PAK5: variants seen among roughly 807,000 people sequenced by gnomAD.
PAK5 encodes p21 (RAC1) activated kinase 5, also known as serine/threonine-protein kinase PAK 5.
In PAK5, 16 loss-of-function variants were observed where a neutral mutation model predicts 65.9. The ratio of observed to expected loss-of-function variants is 0.24; its 90% CI spans 0.16 to 0.37. The LOEUF (loss-of-function observed/expected upper bound fraction) is 0.37, where lower values mean the gene tolerates loss of function less well. Among genes scored for constraint, PAK5 ranks in the 10% least tolerant of loss-of-function variants. The probability of loss-of-function intolerance (pLI) is 1.00; values close to 1 mark genes in which losing one functional copy is unlikely to be tolerated. For missense variants in PAK5, 785 were observed against 903.9 expected (o/e 0.87, Z 1.69); for synonymous variants, 371 against 354.9 (o/e 1.05, Z -0.51).
At chr20:9,795,925 T>G (rs918207385) in intron 1 of PAK5, among the ~76,000 whole-genome samples, 1 of 152,096 alleles carries the variant, frequency 6.6e-6, no homozygotes, top group African/African-American at 2.4e-5. Flanking sequence ...CCACTTAATA[T>G]TTATTAAATA....
At chr20:9,571,687 A>C (rs2045784526) in intron 4 of PAK5, among the ~76,000 whole-genome samples, 1 of 152,164 alleles carries the variant, frequency 6.6e-6, no homozygotes, top group African/African-American at 2.4e-5. Flanking sequence ...CGTAAACCTC[A>C]AGCTGGACAA....
At chr20:9,582,502 C>T (rs6056717) in intron 3 of PAK5, among the ~76,000 whole-genome samples, 73,076 of 151,988 alleles carry the variant, frequency 0.48, 20,812 homozygotes, top group African/African-American at 0.81. Flanking sequence ...ATCGTCGACA[C>T]GACTTAGGAA....
chr20:9,641,497 C>G (rs948318335), intron 3 of PAK5, among the ~76,000 whole-genome samples: 2 of 146,192 alleles, frequency 1.4e-5, no homozygotes, highest in Non-Finnish European at 3.0e-5. Context: ...CTCCACGTCC[C>G]CACCAGACTC....
intron 2 of PAK5, among the ~76,000 whole-genome samples, chr20:9,680,490 A>T (rs2047635055): frequency 6.6e-6 from 1 of 152,132 alleles, no homozygotes; most frequent in South Asian, 2.1e-4. Context: ...GGTCTCTGAG[A>T]GGTGGTATAG....
At chr20:9,545,236 T>A (rs1471670132) in intron 7 of PAK5, among the ~76,000 whole-genome samples, 2 of 152,156 alleles carry the variant, frequency 1.3e-5, no homozygotes. Context: ...GGAAAAAAAC[T>A]TGGAAATTTC....
chr20:9,632,297 G>C (rs1003295657), intron 3 of PAK5, among the ~76,000 whole-genome samples: 34 of 152,208 alleles, frequency 2.2e-4, no homozygotes, highest in African/African-American at 7.0e-4. Context: ...AGACAGGCTT[G>C]TGATCTGGGG....
Position 9,783,632 on chromosome 20 carries a change from G to A in PAK5, c.-162+55130C>T, listed in dbSNP as rs545439711. 7.2e-5 allele frequency among the ~76,000 whole-genome samples: 11 copies of A among 152,304 alleles called. No homozygotes were observed. In the South Asian group the frequency reaches 2.3e-3, roughly 32 times the overall value. ...GTTTCTCCGAGGAAGATATGTTACG[G>A]AACATTGTGTTCAAATAATGTCTAG... On this transcript the variant is annotated intron_variant, in intron 1 of 9. Transcript: ENST00000353224.
At chr20:9,613,961 C>T (rs2046610427) in intron 3 of PAK5, among the ~76,000 whole-genome samples, 1 of 151,996 alleles carries the variant, frequency 6.6e-6, no homozygotes, top group African/African-American at 2.4e-5. Flanking sequence ...AATCACAAGG[C>T]ATAAAAAAAG....
chr20:9,558,413 C>G (rs1334224064), intron 6 of PAK5, among the ~76,000 whole-genome samples: 1 of 152,152 alleles, frequency 6.6e-6, no homozygotes, highest in African/African-American at 2.4e-5. Context: ...CTGTGCGGGG[C>G]TCCATGAACT....
Position 9,580,824 on chromosome 20 carries a change from C to T in PAK5, c.311G>A (p.Ser104Asn). The change falls in exon 4 of 10, where the codon AGC becomes AAC. Residue 104 changes from serine (S) to asparagine (N), a missense_variant. This residue lies in a region of PAK5 where 422 missense variants were observed against 413.3 expected (regional missense o/e 1.02). Transcript: ENST00000353224. ...GGCTCCCTGATCTGGGGTGGGTGGG[C>T]TTTCTTTCCTTAGGGAGTTGGAGCG... is the stretch of plus-strand genomic sequence containing the variant. ...VTRSNSLRKE[S>N]PPTPDQGASS... 1 of 1,613,874 alleles carries T rather than the reference C, an allele frequency of 6.2e-7. No homozygotes were observed. The highest frequency in any genetic ancestry group is 8.5e-7 in the Non-Finnish European group (1 of 1,179,954).
chr20:9,763,880 A>G (rs778518402), intron 1 of PAK5, among the ~76,000 whole-genome samples: 1 of 152,182 alleles, frequency 6.6e-6, no homozygotes, highest in Non-Finnish European at 1.5e-5. Context: ...TTAAACACAC[A>G]TACACATATA....
chr20:9,689,614 A>T lies in PAK5; in HGVS notation c.-12+21672T>A, dbSNP rs544869568. 2.0e-5 allele frequency among the ~76,000 whole-genome samples: 3 copies of T among 152,330 alleles called. No individual in the cohort carries two copies. In the South Asian group the frequency reaches 6.2e-4, roughly 32 times the overall value. On this transcript the variant is annotated intron_variant, in intron 2 of 9. Coordinates refer to ENST00000353224, the MANE Select transcript of PAK5 (RefSeq NM_177990.4). ...ATGAAACCGCTGATAAGCAAGGGAC[A>T]TCTGCAAATTGGCTTGGAGGAAGCT...
intron 1 of PAK5, among the ~76,000 whole-genome samples, chr20:9,720,791 T>C (rs540019667): frequency 1.3e-5 from 2 of 152,244 alleles, no homozygotes; most frequent in African/African-American, 4.8e-5. Flanking sequence ...AATAAAGTAC[T>C]CATACATGCT....
At chr20:9,806,133 T>TTTATTTATTTAC (rs1346359131) in intron 1 of PAK5, among the ~76,000 whole-genome samples, 2 of 102,252 alleles carry the variant, frequency 2.0e-5, no homozygotes, top group Non-Finnish European at 2.3e-5. Flanking sequence ...CCCAGCTAAT[T>TTTATTTATTTAC]TTATTTATTT....
chr20:9,772,781 A>G (rs2048848459), intron 1 of PAK5, among the ~76,000 whole-genome samples: 2 of 152,146 alleles, frequency 1.3e-5, no homozygotes, highest in African/African-American at 4.8e-5. Flanking sequence ...CTTTCCTCCT[A>G]TTTCAAGGCA....
chr20:9,743,971 G>A (rs1007443133), intron 1 of PAK5, among the ~76,000 whole-genome samples: 3 of 152,106 alleles, frequency 2.0e-5, no homozygotes, highest in African/African-American at 7.2e-5. Flanking sequence ...AGAGAGACAG[G>A]GTGAAATGAC....
At chr20:9,723,910 T>C (rs1244849599) in intron 1 of PAK5, among the ~76,000 whole-genome samples, 1 of 152,198 alleles carries the variant, frequency 6.6e-6, no homozygotes, top group Non-Finnish European at 1.5e-5. Context: ...AATTTGTGGC[T>C]GCTTATTATG....
rs2048287895 is a variant in PAK5 at position 9,727,306 on chromosome 20, C to G, written c.-161-15871G>C. Among the ~76,000 whole-genome samples, 5 of 152,080 alleles carry G rather than the reference C, an allele frequency of 3.3e-5. No homozygotes were observed. The South Asian group carries it at 1.0e-3, about 31-fold the overall frequency. ...AGGGCAAAATCTTTTCACTGATTAA[C>G]CAAATCAGTGTTTGAAGTGGGAGGT... On this transcript the variant is annotated intron_variant, in intron 1 of 9. Transcript: ENST00000353224.
chr20:9,657,622 T>C (rs2047286554), intron 2 of PAK5, among the ~76,000 whole-genome samples: 2 of 152,228 alleles, frequency 1.3e-5, no homozygotes, highest in African/African-American at 2.4e-5. Flanking sequence ...AAATTAAAGA[T>C]GTACCTTACA....
Sources: allele counts gnomAD v4.1 joint callset (sites outside exome capture counted in the v4.1 genomes callset), GRCh38; gene constraint gnomAD v4.1.1; regional missense constraint gnomAD v4.1.1; transcripts MANE v1.5; gene names NCBI Gene and HGNC (gene_info 2026-07-23, HGNC 2026-07-21).